The following APBA1 variants were observed in gnomAD, a reference collection of about 807,000 sequenced individuals.
APBA1 encodes the protein amyloid beta precursor protein binding family A member 1.
Under a neutral mutation model 86.6 loss-of-function variants are expected in APBA1, and 55 were observed. The ratio of observed to expected loss-of-function variants is 0.64; its 90% CI spans 0.51 to 0.80. The LOEUF is 0.80. Ranked by LOEUF, APBA1 falls within the 30% of genes least tolerant of loss-of-function variation. The pLI is 0.00. For synonymous variants in APBA1, 511 were observed against 493.9 expected, an observed-to-expected ratio of 1.03 and a Z score of -0.46; for missense variants, 1,090 against 1,183.0, an observed-to-expected ratio of 0.92 and a Z score of 1.15.
At chr9:69,526,873 T>C (rs911928330) in intron 1 of APBA1, among the ~76,000 whole-genome samples, 1 of 152,052 alleles carries the variant, frequency 6.6e-6, no homozygotes, top group African/African-American at 2.4e-5. Context: ...ATATACACCA[T>C]ACACCATGGA....
intron 1 of APBA1, among the ~76,000 whole-genome samples, chr9:69,652,573 C>T (rs1276922668): frequency 2.0e-5 from 3 of 152,160 alleles, no homozygotes; most frequent in Non-Finnish European, 4.4e-5. Context: ...AAAGGATCTG[C>T]AAAACAACCA....
chr9:69,634,821 C>A (rs1418397939), intron 1 of APBA1, among the ~76,000 whole-genome samples: 1 of 112,336 alleles, frequency 8.9e-6, no homozygotes, highest in Non-Finnish European at 1.8e-5. Flanking sequence ...AGTGGCATAA[C>A]ATATTTAAAG....
Position 69,441,025 on chromosome 9 carries a change from G to A in APBA1, c.2272C>T (p.Gln758Ter). The change falls in exon 11 of 13, where the codon CAG (glutamine) becomes TAG (stop). Residue 758 changes from glutamine (Q) to a stop codon, truncating the protein, a stop_gained. Transcript: ENST00000265381. LOFTEE classifies it high-confidence loss of function. Reference sequence around the variant, plus strand: ...CCATTCTGGACGCTGAAACCGAGCTGGTAGCGAAGGTCTGGTCTTCTGATT... The same window carrying A: ...CCATTCTGGACGCTGAAACCGAGCTAGTAGCGAAGGTCTGGTCTTCTGATT... ...VLIRRPDLRY[Q>*]LGFSVQNGII... 1 of 1,614,062 alleles carries A rather than the reference G, an allele frequency of 6.2e-7. No homozygotes were observed. Among genetic ancestry groups the A allele is most frequent in the Non-Finnish European group, 8.5e-7 (1 of 1,180,002 alleles).
At chr9:69,602,894 CA>C (rs1042625842) in intron 1 of APBA1, among the ~76,000 whole-genome samples, 1 of 151,956 alleles carries the variant, frequency 6.6e-6, no homozygotes, top group Non-Finnish European at 1.5e-5. Flanking sequence ...ATCTGGCAAA[CA>C]AAAAAATACA....
At chr9:69,624,355 A>G (rs2133992457) in intron 1 of APBA1, among the ~76,000 whole-genome samples, 1 of 152,338 alleles carries the variant, frequency 6.6e-6, no homozygotes, top group Admixed American at 6.5e-5. Context: ...CAAGATCCCA[A>G]ATGAAAAACA....
chr9:69,609,825 G>T (rs1042338213), intron 1 of APBA1, among the ~76,000 whole-genome samples: 8 of 152,020 alleles, frequency 5.3e-5, no homozygotes, highest in Non-Finnish European at 1.2e-4. Context: ...TTGAGACAGG[G>T]TCTCCCTCTG....
Position 69,516,161 on chromosome 9 carries a change from G to T in APBA1, c.1050C>A (p.Ile350=). ...KEKRDAISLA[I]KDIKEAIEEV... is the part of the protein sequence containing the mutation. ...CCTCGATGGCCTCCTTGATGTCCTT[G>T]ATGGCCAGCGAGATGGCATCGCGCT... Residue 350 remains isoleucine, a synonymous_variant, in exon 2 of 13, where the codon ATC becomes ATA. Coordinates refer to ENST00000265381, the MANE Select transcript of APBA1 (RefSeq NM_001163.4). This position sits in a 1 kb window ranked among gnomAD's most constrained non-coding sequence, Gnocchi z 7.3. The T allele has an allele frequency of 6.2e-7, 1 of 1,611,960 alleles. No homozygotes were observed.
intron 1 of APBA1, among the ~76,000 whole-genome samples, chr9:69,651,982 T>C (rs191537005): frequency 9.7e-4 from 147 of 152,256 alleles, no homozygotes; most frequent in African/African-American, 3.4e-3. Context: ...CTCATATGGA[T>C]GGGGCCCTAA....
At chr9:69,657,199 G>T (rs1160625334) in intron 1 of APBA1, among the ~76,000 whole-genome samples, 1 of 152,226 alleles carries the variant, frequency 6.6e-6, no homozygotes, top group Admixed American at 6.5e-5. Flanking sequence ...GGGAAGAGAA[G>T]ACAAGTCTGT....
chr9:69,432,484 G>C (rs769413031), intron 12 of APBA1, 52 bp downstream of exon 12: 191 of 1,435,000 alleles, frequency 1.3e-4, no homozygotes, highest in Non-Finnish European at 1.7e-4. Flanking sequence ...ATACGAGGCA[G>C]GGGCACCAGA....
chr9:69,526,273 G>C (rs964929931), intron 1 of APBA1, among the ~76,000 whole-genome samples: 1 of 152,030 alleles, frequency 6.6e-6, no homozygotes, highest in Non-Finnish European at 1.5e-5. Flanking sequence ...ACTAACAACA[G>C]AGTAAACAGA....
intron 1 of APBA1, among the ~76,000 whole-genome samples, chr9:69,614,150 G>A (rs1395668595): frequency 2.0e-5 from 3 of 152,102 alleles, no homozygotes; most frequent in African/African-American, 2.4e-5. Context: ...GTAGTTAAAC[G>A]AATAACTATT....
chr9:69,595,171 T>G (rs1366764093), intron 1 of APBA1, among the ~76,000 whole-genome samples: 1 of 152,170 alleles, frequency 6.6e-6, no homozygotes, highest in Non-Finnish European at 1.5e-5. Flanking sequence ...ATATGAAAGC[T>G]GCCCGAGTGC....
At chr9:69,654,682 G>A (rs993508972) in intron 1 of APBA1, among the ~76,000 whole-genome samples, 1 of 151,916 alleles carries the variant, frequency 6.6e-6, no homozygotes, top group South Asian at 2.1e-4. Context: ...GAAGAGAAGG[G>A]AATACTTCCA....
At chr9:69,456,919 A>T in intron 7 of APBA1, 134 bp downstream of exon 7, 1 of 717,486 alleles carries the variant, frequency 1.4e-6, no homozygotes, top group South Asian at 2.0e-5. Context: ...TGTGAACACC[A>T]CCTTCTAGCT....
At position 69,645,645 on chromosome 9, in the gene APBA1, G is replaced by A. The variant is rs907630178; in HGVS notation, c.-70+26508C>T. ...TGGGAGCTTACATTATGAAAGGGAG[G>A]GGGGAGCTCGTGCTCTCTTCAGCAG... On this transcript the variant is annotated intron_variant, in intron 1 of 12. Transcript: ENST00000265381. Among the ~76,000 whole-genome samples, 4 of 152,176 alleles carry A rather than the reference G, an allele frequency of 2.6e-5. No individual in the cohort carries two copies. In the South Asian group the frequency reaches 6.2e-4, roughly 24 times the overall value.
chr9:69,540,207 T>C (rs1836583335), intron 1 of APBA1, among the ~76,000 whole-genome samples: 2 of 152,086 alleles, frequency 1.3e-5, no homozygotes, highest in African/African-American at 4.8e-5. Context: ...AAAATAGTAA[T>C]CTCCATCACT....
chr9:69,457,137 A>T lies in APBA1; in HGVS notation c.1518T>A (p.Ala506=), dbSNP rs1176523493. ...AQKLAKSRKK[A]PEGESQPMTE... is the part of the protein sequence containing the mutation. ...TCATTGGCTGAGATTCGCCTTCAGG[A>T]GCCTGAGAAGAAAAAATGCACCAAG... The change falls in exon 7 of 13, where the codon GCT becomes GCA. Residue 506 remains alanine, a splice_region_variant and synonymous_variant. Coordinates refer to ENST00000265381, the MANE Select transcript of APBA1 (RefSeq NM_001163.4). The T allele has an allele frequency of 1.9e-6, 3 of 1,613,790 alleles. No homozygotes were observed. The African/African-American group carries it at 4.0e-5, about 22-fold the overall frequency.
chr9:69,579,952 C>T (rs983607265), intron 1 of APBA1, among the ~76,000 whole-genome samples: 3 of 152,092 alleles, frequency 2.0e-5, no homozygotes, highest in Admixed American at 6.5e-5. Context: ...CCCAGAGATG[C>T]GGTTATCTGT....
Sources: allele counts gnomAD v4.1 joint callset (sites outside exome capture counted in the v4.1 genomes callset), GRCh38; gene constraint gnomAD v4.1.1; non-coding constraint Gnocchi (gnomAD v3.1); transcripts MANE v1.5; gene names NCBI Gene and HGNC (gene_info 2026-07-23, HGNC 2026-07-21).